NFIB: variants seen among roughly 807,000 people sequenced by gnomAD.
The protein encoded by NFIB is nuclear factor 1 B-type.
Under a neutral mutation model 61.5 loss-of-function variants are expected in NFIB, and 11 were observed. The observed-to-expected ratio is 0.18, with a 90% CI of 0.11 to 0.30. NFIB has a LOEUF of 0.30. Ranked by LOEUF, NFIB falls within the 10% of genes least tolerant of loss-of-function variation. The pLI, the probability that NFIB is intolerant of heterozygous loss-of-function variation, is 1.00. For missense variants in NFIB, 471 were observed against 608.9 expected (o/e 0.77, Z 2.38); for synonymous variants, 260 against 216.5 (o/e 1.20, Z -1.76).
At chr9:14,471,764 G>A in the NFIB span, among the ~76,000 whole-genome samples, 1 of 152,172 alleles carries the variant, frequency 6.6e-6, no homozygotes, top group Non-Finnish European at 1.5e-5. Flanking sequence ...ACTTTACCAA[G>A]CTAATTTGCG....
intron 2 of NFIB, chr9:14,204,972 G>T: frequency 3.2e-6 from 1 of 315,740 alleles, no homozygotes; most frequent in East Asian, 6.9e-5. Flanking sequence ...AATGTCCTGG[G>T]TCCCAAGCCT....
intron 1 of NFIB, among the ~76,000 whole-genome samples, chr9:14,374,611 G>A (rs2132980818): frequency 6.6e-6 from 1 of 152,256 alleles, no homozygotes; most frequent in East Asian, 1.9e-4. Context: ...TTTAAAAATT[G>A]AATTAATTAA....
intron 2 of NFIB, among the ~76,000 whole-genome samples, chr9:14,199,632 C>G (rs2048813346): frequency 6.6e-6 from 1 of 152,200 alleles, no homozygotes; most frequent in Admixed American, 6.5e-5. Context: ...AGCCGTTTTA[C>G]TTTGTGAAAG....
chr9:14,164,182 C>A (rs778881412), intron 3 of NFIB, among the ~76,000 whole-genome samples: 15 of 151,336 alleles, frequency 9.9e-5, no homozygotes, highest in Non-Finnish European at 1.8e-4. Context: ...GACAGAAAAA[C>A]CACTTCCATG....
chr9:14,234,776 G>T (rs4741354), intron 2 of NFIB, among the ~76,000 whole-genome samples: 82,202 of 149,422 alleles, frequency 0.55, 23,226 homozygotes, highest in East Asian at 0.71. Flanking sequence ...TGGTGGTGCT[G>T]GCATTTGTTC....
At chr9:14,236,756 T>C (rs2053785361) in intron 2 of NFIB, among the ~76,000 whole-genome samples, 1 of 152,102 alleles carries the variant, frequency 6.6e-6, no homozygotes, top group Non-Finnish European at 1.5e-5. Flanking sequence ...GGGTAGGAAA[T>C]GTATTGGTTG....
chr9:14,204,613 G>T, intron 2 of NFIB: 1 of 796,454 alleles, frequency 1.3e-6, no homozygotes, highest in South Asian at 1.5e-5. Flanking sequence ...AGAAGAAAGC[G>T]CCGGCAAAGG....
intron 2 of NFIB, chr9:14,305,845 G>C: frequency 2.5e-6 from 1 of 399,780 alleles, no homozygotes; most frequent in Non-Finnish European, 4.4e-6. Flanking sequence ...CTATCTGCAG[G>C]CCATTTTTCC....
rs147516218 is a variant in NFIB, at chr9:14,272,190, CT to C, written c.562+34798del. On this transcript the variant is annotated intron_variant, in intron 2 of 10. Coordinates refer to ENST00000380953, the MANE Select transcript of NFIB (RefSeq NM_001190737.2). ...ACAAACTTAAAATAGCTACTAACCT[CT>C]TTTTTCCCCCACATATTTCTGGAAC... 8.2e-3 allele frequency among the ~76,000 whole-genome samples: 1,248 copies of C among 152,200 alleles called. 23 individuals are homozygous for C. Among genetic ancestry groups the C allele is most frequent in the African/African-American group, 0.028 (1,176 of 41,522 alleles).
chr9:14,314,858 C>A (rs1269653762), upstream of NFIB, among the ~76,000 whole-genome samples: 12 of 151,838 alleles, frequency 7.9e-5, no homozygotes, highest in African/African-American at 2.9e-4. Flanking sequence ...CACATACACA[C>A]CCCCGAAAAC....
intron 1 of NFIB, among the ~76,000 whole-genome samples, chr9:14,380,461 G>A (rs994324870): frequency 6.6e-6 from 1 of 152,186 alleles, no homozygotes; most frequent in African/African-American, 2.4e-5. Context: ...AAAGGGAAAT[G>A]TCTTCATTCA....
chr9:14,124,079 G>A (rs915715307), intron 7 of NFIB, among the ~76,000 whole-genome samples: 34 of 152,122 alleles, frequency 2.2e-4, no homozygotes, highest in Non-Finnish European at 3.1e-4. Flanking sequence ...GGACAGAAAC[G>A]ATCTTTCTGA....
intron 10 of NFIB, among the ~76,000 whole-genome samples, chr9:14,109,412 G>A (rs972874395): frequency 2.0e-5 from 3 of 151,860 alleles, no homozygotes; most frequent in Non-Finnish European, 4.4e-5. Context: ...TCGGGGCGGG[G>A]GGGTGTTCCA....
At chr9:14,486,406 G>T in the NFIB span, among the ~76,000 whole-genome samples, 1 of 152,130 alleles carries the variant, frequency 6.6e-6, no homozygotes, top group Non-Finnish European at 1.5e-5. Flanking sequence ...GGAAATCAAG[G>T]CAAGAGACTA....
At chr9:14,442,365 G>T in the NFIB span, among the ~76,000 whole-genome samples, 1 of 152,074 alleles carries the variant, frequency 6.6e-6, no homozygotes, top group Non-Finnish European at 1.5e-5. Flanking sequence ...TTCCACAAGG[G>T]GTCGTTGAGA....
intron 1 of NFIB, among the ~76,000 whole-genome samples, chr9:14,319,829 A>G (rs1425911018): frequency 1.3e-5 from 2 of 152,250 alleles, no homozygotes; most frequent in Non-Finnish European, 1.5e-5. Context: ...TTTCAAAGTC[A>G]AAGCAATGCA....
chr9:14,518,214 T>C, the NFIB span, among the ~76,000 whole-genome samples: 1 of 152,228 alleles, frequency 6.6e-6, no homozygotes, highest in Non-Finnish European at 1.5e-5. Flanking sequence ...TATTTTTCTA[T>C]AGAGGCTAGC....
chr9:14,353,880 A>G (rs1301076303), intron 1 of NFIB, among the ~76,000 whole-genome samples: 1 of 144,230 alleles, frequency 6.9e-6, no homozygotes, highest in African/African-American at 2.6e-5. Flanking sequence ...TTTGCATGCA[A>G]TTGAGGCTGA....
At chr9:14,095,825 G>C (rs941304850) in intron 10 of NFIB, among the ~76,000 whole-genome samples, 7 of 152,094 alleles carry the variant, frequency 4.6e-5, no homozygotes, top group Admixed American at 2.0e-4. Flanking sequence ...TATCATGCTT[G>C]CTACTCTGTT....
Sources: allele counts gnomAD v4.1 joint callset (sites outside exome capture counted in the v4.1 genomes callset), GRCh38; gene constraint gnomAD v4.1.1; transcripts MANE v1.5; gene names NCBI Gene and HGNC (gene_info 2026-07-23, HGNC 2026-07-21).